The following ATP9B variants were observed in gnomAD, a reference collection of about 807,000 sequenced individuals.
The protein encoded by ATP9B is probable phospholipid-transporting ATPase IIB.
A neutral mutation model predicts 146.1 loss-of-function variants in ATP9B; 110 were observed. The ratio of observed to expected loss-of-function variants is 0.75; its 90% CI spans 0.65 to 0.88. The LOEUF is 0.88. ATP9B is among the 40% of genes least tolerant of loss of function. The pLI is 0.00. For synonymous variants in ATP9B, 604 were observed against 569.7 expected (o/e 1.06, Z -0.86); for missense variants, 1,499 against 1,496.4 (o/e 1.00, Z -0.03).
intron 1 of ATP9B, among the ~76,000 whole-genome samples, chr18:79,075,444 T>C (rs1179323375): frequency 6.6e-6 from 1 of 152,200 alleles, no homozygotes; most frequent in African/African-American, 2.4e-5. Context: ...CCTGCCTCTT[T>C]TTAGAGTTTT....
chr18:79,138,449 T>C (rs1477958626), intron 5 of ATP9B, among the ~76,000 whole-genome samples: 1 of 152,168 alleles, frequency 6.6e-6, no homozygotes, highest in Non-Finnish European at 1.5e-5. Flanking sequence ...GAAATGTTTA[T>C]TGTGTACCTG....
intron 12 of ATP9B, among the ~76,000 whole-genome samples, chr18:79,272,820 T>TGTGTGTTCCCGAGG (rs1203576963): frequency 6.6e-6 from 1 of 152,224 alleles, no homozygotes; most frequent in African/African-American, 2.4e-5. Flanking sequence ...ACCATGGCAC[T>TGTGTGTTCCCGAGG]CTACAGATGC....
chr18:79,233,198 A>G (rs1485493818), intron 11 of ATP9B, among the ~76,000 whole-genome samples: 1 of 152,132 alleles, frequency 6.6e-6, no homozygotes, highest in African/African-American at 2.4e-5. Flanking sequence ...AGGCTGAAGC[A>G]GGAGAATCAC....
chr18:79,183,607 G>A (rs1230361020), intron 8 of ATP9B, among the ~76,000 whole-genome samples: 1 of 151,874 alleles, frequency 6.6e-6, no homozygotes, highest in African/African-American at 2.4e-5. Context: ...TAAAAGTTCA[G>A]TGTATTTAGA....
At chr18:79,367,024 ACG>A (rs1429012720) in intron 26 of ATP9B, among the ~76,000 whole-genome samples, 61 of 151,316 alleles carry the variant, frequency 4.0e-4, no homozygotes, top group Middle Eastern at 3.5e-3. Context: ...CACCGTGTGT[ACG>A]CAGAGAAAGT....
chr18:79,339,787 G>A (rs1191259706), intron 19 of ATP9B, among the ~76,000 whole-genome samples: 2 of 151,810 alleles, frequency 1.3e-5, no homozygotes, highest in Non-Finnish European at 2.9e-5. Flanking sequence ...GCAGTAGGAA[G>A]TGCATGATTG....
intron 12 of ATP9B, among the ~76,000 whole-genome samples, chr18:79,270,499 G>T (rs1405154810): frequency 2.1e-5 from 3 of 143,414 alleles, no homozygotes; most frequent in Admixed American, 1.4e-4. Flanking sequence ...AAACAATAAC[G>T]TGTGACTCCT....
At chr18:79,175,827 C>G (rs1181714450) in intron 7 of ATP9B, among the ~76,000 whole-genome samples, 1 of 152,014 alleles carries the variant, frequency 6.6e-6, no homozygotes, top group Non-Finnish European at 1.5e-5. Flanking sequence ...CATGCACGCG[C>G]ACACACATAT....
chr18:79,350,705 G>C (rs1319169562), intron 25 of ATP9B, among the ~76,000 whole-genome samples: 3 of 151,642 alleles, frequency 2.0e-5, no homozygotes, highest in Admixed American at 6.6e-5. Flanking sequence ...GGTACAATAA[G>C]TGCTAACGCT....
At chr18:79,104,917 T>G (rs1255055622) in intron 2 of ATP9B, among the ~76,000 whole-genome samples, 1 of 152,030 alleles carries the variant, frequency 6.6e-6, no homozygotes, top group African/African-American at 2.4e-5. Flanking sequence ...CTAATTTTTT[T>G]ATTTTTATAG....
intron 7 of ATP9B, among the ~76,000 whole-genome samples, chr18:79,164,288 C>T (rs2147785750): frequency 6.6e-6 from 1 of 152,226 alleles, no homozygotes; most frequent in East Asian, 1.9e-4. Flanking sequence ...ATTGATAACG[C>T]CAATAACTGG....
chr18:79,155,753 C>CTTTTTT (rs56002235), intron 7 of ATP9B, among the ~76,000 whole-genome samples: 6 of 74,048 alleles, frequency 8.1e-5, no homozygotes, highest in Non-Finnish European at 1.2e-4. Context: ...TGTTTTCTCT[C>CTTTTTT]TTTTTTTTTT....
In ATP9B at chr18:79,336,617, T is replaced by A. The variant is rs748928003; in HGVS notation, c.2029-11T>A. ...CAGGGCCCACCTGTGACTCGGCCTC[T>A]CCTTTTCCAGTGCGGAAACATGGCT... On this transcript the variant is annotated splice_polypyrimidine_tract_variant and intron_variant, in intron 17 of 29. Transcript: ENST00000426216. The A allele has an allele frequency of 2.3e-5, 37 of 1,613,484 alleles. No individual in the cohort carries two copies. Among genetic ancestry groups the A allele is most frequent in the Non-Finnish European group, 2.6e-5 (31 of 1,179,816 alleles).
chr18:79,143,755 G>A (rs375019723), intron 5 of ATP9B, 47 bp from the exon 6 acceptor site: 1 of 1,198,158 alleles, frequency 8.3e-7, no homozygotes, highest in Non-Finnish European at 1.2e-6. Flanking sequence ...TTGAACTTGG[G>A]TGTGCTGTTG....
chr18:79,346,375 T>G (rs927029660), intron 23 of ATP9B, among the ~76,000 whole-genome samples: 6 of 149,228 alleles, frequency 4.0e-5, no homozygotes, highest in African/African-American at 1.5e-4. Context: ...CTCAGCACAC[T>G]TGGTACACTT....
chr18:79,211,147 T>C (rs2095580569), intron 10 of ATP9B, among the ~76,000 whole-genome samples: 2 of 152,318 alleles, frequency 1.3e-5, no homozygotes, highest in South Asian at 4.1e-4. Flanking sequence ...TGTTTGGAAG[T>C]GCTGGATTAT....
rs545294023 is a variant in ATP9B at position 79,134,929 on chromosome 18, A to ACAAATTGT, written c.667+8554_667+8555insCAAATTGT. Among the ~76,000 whole-genome samples the ACAAATTGT allele has an allele frequency of 4.0e-4, 61 of 152,314 alleles. 1 individual carries two copies. The highest frequency in any genetic ancestry group is 1.4e-3 in the African/African-American group (58 of 41,558). ...ATAAGTGAGCATTGTGTTTTCATAC[A>ACAAATTGT]GTGTTTCTGGATTTTCATTTTTTGT... On this transcript the variant is annotated intron_variant, in intron 5 of 29. Coordinates refer to ENST00000426216, the MANE Select transcript of ATP9B (RefSeq NM_198531.5).
intron 25 of ATP9B, among the ~76,000 whole-genome samples, chr18:79,349,721 C>G (rs2096911801): frequency 6.6e-6 from 1 of 152,172 alleles, no homozygotes; most frequent in Non-Finnish European, 1.5e-5. Context: ...GAGGCGCCCC[C>G]GTCATCCTGA....
chr18:79,350,249 A>G (rs1600269241), intron 25 of ATP9B, among the ~76,000 whole-genome samples: 1 of 152,242 alleles, frequency 6.6e-6, no homozygotes, highest in Non-Finnish European at 1.5e-5. Flanking sequence ...ATCACTTTGA[A>G]TAAAGTAGGT....
Sources: allele counts gnomAD v4.1 joint callset (sites outside exome capture counted in the v4.1 genomes callset), GRCh38; gene constraint gnomAD v4.1.1; transcripts MANE v1.5; gene names NCBI Gene and HGNC (gene_info 2026-07-23, HGNC 2026-07-21).